ABCA10: variants seen among roughly 807,000 people sequenced by gnomAD.
The protein encoded by ABCA10 is ATP binding cassette subfamily A member 10, also known as ATP-binding cassette sub-family A member 10.
In ABCA10, 169 loss-of-function variants were observed where a neutral mutation model predicts 187.5. The observed-to-expected ratio is 0.90, with a 90% CI of 0.80 to 1.02. ABCA10 has a LOEUF of 1.02. ABCA10 is among the 50% of genes least tolerant of loss of function. The pLI, the probability that ABCA10 is intolerant of heterozygous loss-of-function variation, is 0.00. For synonymous variants in ABCA10, 574 were observed against 601.8 expected, an observed-to-expected ratio of 0.95 and a Z score of 0.68; for missense variants, 1,727 against 1,812.4, an observed-to-expected ratio of 0.95 and a Z score of 0.86.
chr17:69,212,968 G>T (rs188562790), intron 9 of ABCA10, among the ~76,000 whole-genome samples: 4 of 152,342 alleles, frequency 2.6e-5, no homozygotes, highest in African/African-American at 7.2e-5. Context: ...ATTGAGATGT[G>T]AGGTACTATG....
chr17:69,196,803 G>T (rs2074507418), intron 11 of ABCA10, among the ~76,000 whole-genome samples: 1 of 152,174 alleles, frequency 6.6e-6, no homozygotes, highest in African/African-American at 2.4e-5. Context: ...TCGCGGTTAG[G>T]AGCTGGAGAC....
intron 20 of ABCA10, 48 bp downstream of exon 20, chr17:69,185,429 G>T: frequency 1.9e-6 from 3 of 1,552,166 alleles, no homozygotes; most frequent in Non-Finnish European, 1.8e-6. Context: ...GCTTTCTAAA[G>T]ATCTTTGATA....
chr17:69,231,696 T>C (rs2074832926), upstream of ABCA10, among the ~76,000 whole-genome samples: 1 of 152,144 alleles, frequency 6.6e-6, no homozygotes, highest in Non-Finnish European at 1.5e-5. Context: ...CATATGACCT[T>C]TCCTGGAGAA....
chr17:69,227,517 A>T lies in ABCA10; in HGVS notation c.-312-232T>A, dbSNP rs188059688. Among the ~76,000 whole-genome samples the T allele has an allele frequency of 7.3e-3, 1,103 of 152,016 alleles. 15 individuals carry two copies. The highest frequency in any genetic ancestry group is 0.025 in the African/African-American group (1,044 of 41,518). ...GGAGATAAAGGAGATAGTATATAAGACCTTTCTCCTTTTGTCTCAGAAGTC... is the reference window on the plus strand; with the variant it reads ...GGAGATAAAGGAGATAGTATATAAGTCCTTTCTCCTTTTGTCTCAGAAGTC... On this transcript the variant is annotated intron_variant, in intron 1 of 38. Transcript: ENST00000690296.
intron 5 of ABCA10, among the ~76,000 whole-genome samples, chr17:69,221,414 T>C (rs1232451038): frequency 6.6e-6 from 1 of 152,124 alleles, no homozygotes; most frequent in African/African-American, 2.4e-5. Context: ...GTCTTGACCA[T>C]AAGTGAAGAA....
chr17:69,240,107 T>C (rs1333549463), intron 1 of ABCA10, among the ~76,000 whole-genome samples: 2 of 152,174 alleles, frequency 1.3e-5, no homozygotes, highest in South Asian at 2.1e-4. Flanking sequence ...TAAACTCTTA[T>C]CCAACTTTAT....
chr17:69,199,263 C>T (rs1393335349), intron 10 of ABCA10, among the ~76,000 whole-genome samples: 3 of 61,852 alleles, frequency 4.9e-5, no homozygotes, highest in Non-Finnish European at 9.8e-5. Context: ...TTCAGCTCTA[C>T]TACTTATCAG....
At position 69,176,287 on chromosome 17, in the gene ABCA10, GAA is replaced by G. The variant is rs147438912; in HGVS notation, c.2770-776_2770-775del. On this transcript the variant is annotated intron_variant, in intron 22 of 38. Transcript: ENST00000690296. ...CCTAACTACGTGCAAGATACAATTA[GAA>G]GAGAGCAAATCTTCCCTGCCTACAT... 5.2e-3 allele frequency among the ~76,000 whole-genome samples: 797 copies of G among 152,180 alleles called. 12 individuals are homozygous for G. The highest frequency in any genetic ancestry group is 0.018 in the African/African-American group (764 of 41,548).
intron 11 of ABCA10, 148 bp downstream of exon 11, chr17:69,196,916 C>G (rs1363012904): frequency 1.7e-6 from 1 of 598,716 alleles, no homozygotes; most frequent in African/African-American, 1.9e-5. Context: ...GGCAGGCACT[C>G]GGCAGGAGAA....
chr17:69,213,463 T>C (rs2074676121), intron 9 of ABCA10, among the ~76,000 whole-genome samples: 1 of 152,142 alleles, frequency 6.6e-6, no homozygotes, highest in Admixed American at 6.5e-5. Flanking sequence ...AGGGGAATTA[T>C]GGCTACTTCT....
intron 18 of ABCA10, among the ~76,000 whole-genome samples, chr17:69,188,959 T>C (rs112906317): frequency 0.063 from 9,568 of 152,192 alleles, 1,037 homozygotes; most frequent in African/African-American, 0.22. Context: ...GTTGATTCCA[T>C]GTCTCTGCTA....
intron 11 of ABCA10, among the ~76,000 whole-genome samples, chr17:69,195,445 ATT>A (rs1200175893): frequency 6.6e-6 from 1 of 150,592 alleles, no homozygotes; most frequent in African/African-American, 2.4e-5. Context: ...ACATATTTTA[ATT>A]TTTTTGTTTT....
chr17:69,187,847 C>T lies in ABCA10; in HGVS notation c.2164G>A (p.Val722Met), dbSNP rs770204983. The stretch of plus-strand genomic sequence containing the variant: ...GACTCATCTCCAGTATTTCTTGTCA[C>T]ATGTATTTTCTCTTGTTTCCCAATG... ...FDIGKQEKIHVTRNTGDESEM... is the reference protein window; with the variant it reads ...FDIGKQEKIHMTRNTGDESEM... The change falls in exon 19 of 39, where the codon GTG (valine) becomes ATG (methionine). Residue 722 changes from valine to methionine, a missense_variant. Coordinates refer to ENST00000690296, the MANE Select transcript of ABCA10 (RefSeq NM_001377321.1). 29 of 1,613,672 alleles carry T rather than the reference C, an allele frequency of 1.8e-5. No individual in the cohort carries two copies. Among genetic ancestry groups the T allele is most frequent in the Non-Finnish European group, 2.2e-5 (26 of 1,179,748 alleles).
At position 69,227,240 on chromosome 17, in the gene ABCA10, T is replaced by G. The variant is rs933381464; in HGVS notation, c.-267A>C. On this transcript the variant is annotated 5_prime_UTR_variant, in exon 2 of 39. Transcript: ENST00000690296. ...CACGCTTATCTCTTTTTTAACCATT[T>G]TGTCCTGTTCATTAACAGGGTAAAG... is the stretch of plus-strand genomic sequence containing the variant. 1 of 151,392 alleles carries G rather than the reference T, an allele frequency of 6.6e-6. No individual in the cohort carries two copies. Among genetic ancestry groups the G allele is most frequent in the African/African-American group, 2.4e-5 (1 of 41,266 alleles). 9.4% of individuals were successfully genotyped at this position (151,392 alleles called of 1,614,324 possible).
At chr17:69,240,480 T>A (rs1395480897) in intron 1 of ABCA10, among the ~76,000 whole-genome samples, 1 of 152,182 alleles carries the variant, frequency 6.6e-6, no homozygotes, top group East Asian at 1.9e-4. Flanking sequence ...GCCTGAACAA[T>A]GGGCCATTCT....
chr17:69,175,871 TAACATATACAGTGTGGAC>T (rs2074330850), intron 22 of ABCA10: 1 of 173,474 alleles, frequency 5.8e-6, no homozygotes. Context: ...GACTAATGGG[TAACATATACAGTGTGGAC>T]ACACCAAACA....
chr17:69,177,974 ATAT>A (rs1489559118), intron 22 of ABCA10, among the ~76,000 whole-genome samples: 25 of 100,830 alleles, frequency 2.5e-4, no homozygotes, highest in African/African-American at 9.4e-4. Context: ...AAAAAAAAAA[ATAT>A]ATATATATAT....
At position 69,174,766 on chromosome 17, in the gene ABCA10, T is replaced by C; in HGVS notation, c.2889A>G (p.Gln963=). ...SSISDYKKNV[Q]SQLWISGLWP... ...AGAGGCCTGAAATCCATAACTGGGATTGAACATTTTTCTGACAAAGAATAG... is the reference window on the plus strand; with the variant it reads ...AGAGGCCTGAAATCCATAACTGGGACTGAACATTTTTCTGACAAAGAATAG... The change falls in exon 24 of 39, where the codon CAA becomes CAG. Residue 963 remains glutamine, a synonymous_variant. Transcript: ENST00000690296. The C allele has an allele frequency of 1.3e-6, 2 of 1,578,266 alleles. No individual in the cohort carries two copies. Among genetic ancestry groups the C allele is most frequent in the Non-Finnish European group, 1.7e-6 (2 of 1,167,792 alleles).
At chr17:69,215,743 G>C (rs2144839365) in intron 8 of ABCA10, 72 bp downstream of exon 8, 1 of 1,276,068 alleles carries the variant, frequency 7.8e-7, no homozygotes, top group South Asian at 2.5e-5. Flanking sequence ...AATTTCATGA[G>C]GCACCAAATT....
Sources: gnomAD v4.1 joint callset for allele counts (sites outside exome capture counted in the v4.1 genomes callset) on GRCh38, gnomAD v4.1.1 for gene constraint, MANE v1.5 for transcripts, NCBI Gene and HGNC (gene_info 2026-07-23, HGNC 2026-07-21) for gene names.